The following TMEM131L variants were observed in gnomAD, a reference collection of about 807,000 sequenced individuals.
The protein encoded by TMEM131L is transmembrane 131 like.
TMEM131L carries 54 observed loss-of-function variants against 192.2 expected under a neutral mutation model. That is an observed-to-expected ratio of 0.28 (90% CI 0.23 to 0.35). The LOEUF is 0.35. Ranked by LOEUF, TMEM131L falls within the 10% of genes least tolerant of loss-of-function variation. The pLI is 1.00. For synonymous variants in TMEM131L, 701 were observed against 704.9 expected (o/e 0.99, Z 0.09); for missense variants, 1,888 against 1,972.9 (o/e 0.96, Z 0.82).
chr4:153,527,434 G>A (rs575361560), intron 3 of TMEM131L, among the ~76,000 whole-genome samples: 2 of 152,056 alleles, frequency 1.3e-5, no homozygotes, highest in South Asian at 2.1e-4. Context: ...CACCATGCCC[G>A]GCTAAGTTTT....
At chr4:153,522,242 G>A (rs1221155492) in intron 3 of TMEM131L, among the ~76,000 whole-genome samples, 1 of 152,174 alleles carries the variant, frequency 6.6e-6, no homozygotes, top group African/African-American at 2.4e-5. Flanking sequence ...TCTCACCTTT[G>A]AAGCTTGAGC....
intron 6 of TMEM131L, among the ~76,000 whole-genome samples, chr4:153,558,057 C>T (rs1190916774): frequency 6.6e-6 from 1 of 152,214 alleles, no homozygotes; most frequent in Non-Finnish European, 1.5e-5. Flanking sequence ...AGGCGTGAGC[C>T]ACCGTGCTCA....
At chr4:153,587,391 T>A (rs961075697) in intron 14 of TMEM131L, among the ~76,000 whole-genome samples, 4 of 152,154 alleles carry the variant, frequency 2.6e-5, no homozygotes, top group African/African-American at 9.7e-5. Context: ...CTTTTTTTTT[T>A]AATTTTTAAT....
At chr4:153,603,727 C>T in intron 24 of TMEM131L, 75 bp from the exon 25 acceptor site, 1 of 1,448,168 alleles carries the variant, frequency 6.9e-7, no homozygotes, top group East Asian at 2.3e-5. Context: ...ACCCTTTTCT[C>T]ATGGATATGG....
At position 153,626,197 on chromosome 4, in the gene TMEM131L, A is replaced by T; in HGVS notation, c.4096A>T (p.Asn1366Tyr). 6.2e-7 allele frequency: 1 copy of T among 1,611,656 alleles called. No homozygotes were observed. Among genetic ancestry groups the T allele is most frequent in the East Asian group, 2.2e-5 (1 of 44,844 alleles). The change falls in exon 30 of 35, where the codon AAT (asparagine) becomes TAT (tyrosine). Residue 1366 changes from asparagine to tyrosine, a missense_variant. By Grantham distance (143) the Asn-to-Tyr change is moderately radical. Transcript: ENST00000409959. ...TCCTTCTGAAGCTCCCATCTCCTTG[A>T]ATCTTTCTCATAACATCTGCAATCC... ...DFPSEAPISL[N>Y]LSHNICNPMT...
intron 3 of TMEM131L, among the ~76,000 whole-genome samples, chr4:153,530,559 C>T (rs1735820418): frequency 6.6e-6 from 1 of 152,086 alleles, no homozygotes; most frequent in African/African-American, 2.4e-5. Context: ...GTCTTCTGTC[C>T]AGGGTAGGCT....
chr4:153,617,593 C>CA (rs1251893362), intron 26 of TMEM131L, among the ~76,000 whole-genome samples: 82 of 151,744 alleles, frequency 5.4e-4, no homozygotes, highest in East Asian at 1.9e-4. Context: ...CTGAAAAACA[C>CA]AAAAAAAACT....
chr4:153,634,014 C>T (rs1283994825), intron 32 of TMEM131L, among the ~76,000 whole-genome samples, 178 bp from the exon 33 acceptor site: 1 of 152,216 alleles, frequency 6.6e-6, no homozygotes, highest in Non-Finnish European at 1.5e-5. Context: ...TGGCATGTCA[C>T]TAGTGATCAG....
intron 3 of TMEM131L, among the ~76,000 whole-genome samples, chr4:153,509,502 A>G (rs1734211907): frequency 6.6e-6 from 1 of 152,180 alleles, no homozygotes; most frequent in Non-Finnish European, 1.5e-5. Context: ...CGAAGTGGGC[A>G]GATCACTTTA....
At chr4:153,584,307 A>C (rs1392777868) in intron 11 of TMEM131L, among the ~76,000 whole-genome samples, 1 of 152,234 alleles carries the variant, frequency 6.6e-6, no homozygotes, top group Non-Finnish European at 1.5e-5. Context: ...GTCAGGGTGA[A>C]GAAAGGTAGA....
chr4:153,476,166 C>T (rs939591528), intron 3 of TMEM131L, among the ~76,000 whole-genome samples: 11 of 152,128 alleles, frequency 7.2e-5, no homozygotes, highest in African/African-American at 2.7e-4. Context: ...ACCATGTTGG[C>T]CAGGCTGGTC....
rs1162949723 is a variant in TMEM131L at position 153,535,777 on chromosome 4, G to A, written c.240-14296G>A. The stretch of plus-strand genomic sequence containing the variant: ...TTGGAGAGTCAGGCAAAAGGAAAGT[G>A]TCTGATATTCTACTCATCCTAACGT... On this transcript the variant is annotated intron_variant, in intron 3 of 34. Coordinates refer to ENST00000409959, the MANE Select transcript of TMEM131L (RefSeq NM_001131007.2). Among the ~76,000 whole-genome samples the A allele has an allele frequency of 2.0e-5, 3 of 152,170 alleles. 1 individual carries two copies. Among genetic ancestry groups the A allele is most frequent in the Non-Finnish European group, 2.9e-5 (2 of 68,042 alleles).
In TMEM131L at chr4:153,555,072, G is replaced by C. The variant is rs1737891263; in HGVS notation, c.309-715G>C. Among the ~76,000 whole-genome samples the C allele has an allele frequency of 6.6e-6, 1 of 152,200 alleles. No homozygotes were observed. Among genetic ancestry groups the C allele is most frequent in the Non-Finnish European group, 1.5e-5 (1 of 68,038 alleles). ...CTTTTCGTAAGTGTATGTTTGTGGA[G>C]GGAAGAGCCAGAGCTTTCATCAGAG... is the stretch of plus-strand genomic sequence containing the variant. On this transcript the variant is annotated intron_variant, in intron 4 of 34. Coordinates refer to ENST00000409959, the MANE Select transcript of TMEM131L (RefSeq NM_001131007.2). The surrounding 1 kb of genome is among the most constrained non-coding windows in gnomAD (Gnocchi z 4.1).
At chr4:153,543,970 T>C (rs1490884264) in intron 3 of TMEM131L, among the ~76,000 whole-genome samples, 1 of 151,474 alleles carries the variant, frequency 6.6e-6, no homozygotes, top group African/African-American at 2.5e-5. Flanking sequence ...TACCGTGGTC[T>C]ACTTAGTTAC....
At chr4:153,500,457 T>G (rs1171761207) in intron 3 of TMEM131L, among the ~76,000 whole-genome samples, 1 of 152,174 alleles carries the variant, frequency 6.6e-6, no homozygotes, top group Non-Finnish European at 1.5e-5. Flanking sequence ...GTGATTCTGT[T>G]GAGATCTGAA....
intron 3 of TMEM131L, among the ~76,000 whole-genome samples, chr4:153,549,061 C>T (rs1248895560): frequency 1.3e-5 from 2 of 151,828 alleles, no homozygotes; most frequent in African/African-American, 4.8e-5. Flanking sequence ...AACTCCTGGG[C>T]TCAAGCAATC....
At chr4:153,480,536 AAAAG>A (rs1731867119) in intron 3 of TMEM131L, among the ~76,000 whole-genome samples, 1 of 151,146 alleles carries the variant, frequency 6.6e-6, no homozygotes, top group African/African-American at 2.4e-5. Context: ...AAAAAAAAAA[AAAAG>A]GAAATGGAAG....
At chr4:153,486,190 G>C (rs1011607933) in intron 3 of TMEM131L, among the ~76,000 whole-genome samples, 5 of 152,108 alleles carry the variant, frequency 3.3e-5, no homozygotes, top group African/African-American at 1.2e-4. Flanking sequence ...GATAGACCCA[G>C]GGTTGGTCCT....
chr4:153,553,386 A>G (rs1737778332), intron 4 of TMEM131L, among the ~76,000 whole-genome samples: 1 of 152,030 alleles, frequency 6.6e-6, no homozygotes, highest in Non-Finnish European at 1.5e-5. Flanking sequence ...TTCTAAGAGC[A>G]CTCATAATGC....
Sources: allele counts gnomAD v4.1 joint callset (sites outside exome capture counted in the v4.1 genomes callset), GRCh38; gene constraint gnomAD v4.1.1; non-coding constraint Gnocchi (gnomAD v3.1); transcripts MANE v1.5; gene names NCBI Gene and HGNC (gene_info 2026-07-23, HGNC 2026-07-21).